VOPP1: variants seen among roughly 807,000 people sequenced by gnomAD.
VOPP1 encodes the protein VOPP1 WW domain binding protein.
In VOPP1, 8 loss-of-function variants were observed where a neutral mutation model predicts 23.5. The ratio of observed to expected loss-of-function variants is 0.34; its 90% CI spans 0.20 to 0.61. The LOEUF (loss-of-function observed/expected upper bound fraction) is 0.61, where lower values mean the gene tolerates loss of function less well. Ranked by LOEUF, VOPP1 falls within the 20% of genes least tolerant of loss-of-function variation. The pLI, the probability that VOPP1 is intolerant of heterozygous loss-of-function variation, is 0.78. For missense variants in VOPP1, 174 were observed against 238.1 expected (o/e 0.73, Z 1.77); for synonymous variants, 83 against 97.3 (o/e 0.85, Z 0.86).
intron 4 of VOPP1, among the ~76,000 whole-genome samples, chr7:55,482,961 G>A (rs141073579): frequency 0.021 from 3,239 of 152,286 alleles, 52 homozygotes; most frequent in Non-Finnish European, 0.035. Context: ...TGTTAATAAA[G>A]AGAATTCCAG....
At chr7:55,505,220 T>C (rs951386600) in intron 2 of VOPP1, among the ~76,000 whole-genome samples, 1 of 152,100 alleles carries the variant, frequency 6.6e-6, no homozygotes, top group Non-Finnish European at 1.5e-5. Context: ...ATCACACACA[T>C]GACTTAGAAT....
Position 55,497,629 on chromosome 7 carries a change from T to A in VOPP1, c.175A>T (p.Arg59Trp). The change falls in exon 3 of 5, where the codon AGG becomes TGG. Residue 59 changes from arginine (R) to tryptophan (W), a missense_variant. Physicochemically the swap from Arg to Trp is moderately radical, Grantham distance 101 (BLOSUM62 -3). Transcript: ENST00000285279. The part of the protein sequence containing the change: ...RCCVRALSIQ[R>W]LWYFWFLLMM... ...GTGACCTACCAGAAGTACCACAGCCTCTGTATGGAGAGGGCCCGCACACAG... is the reference window on the plus strand; with the variant it reads ...GTGACCTACCAGAAGTACCACAGCCACTGTATGGAGAGGGCCCGCACACAG... 6.2e-7 allele frequency: 1 copy of A among 1,601,440 alleles called. No individual in the cohort carries two copies. Among genetic ancestry groups the A allele is most frequent in the Non-Finnish European group, 8.5e-7 (1 of 1,174,814 alleles).
At chr7:55,515,031 T>C (rs1240894524) in intron 2 of VOPP1, among the ~76,000 whole-genome samples, 2 of 152,150 alleles carry the variant, frequency 1.3e-5, no homozygotes, top group African/African-American at 4.8e-5. Context: ...GAGGTCTCTG[T>C]CCACACCCTG....
downstream of VOPP1, among the ~76,000 whole-genome samples, chr7:55,466,510 G>C (rs1023201492): frequency 2.6e-5 from 4 of 152,152 alleles, no homozygotes; most frequent in South Asian, 2.1e-4. Flanking sequence ...GGGGACTGAG[G>C]GGGGAAACCA....
chr7:55,499,007 A>G (rs1295954230), intron 2 of VOPP1, among the ~76,000 whole-genome samples: 1 of 151,896 alleles, frequency 6.6e-6, no homozygotes, highest in African/African-American at 2.4e-5. Flanking sequence ...CTCCACCCCC[A>G]CGCCATTCCA....
intron 4 of VOPP1, among the ~76,000 whole-genome samples, chr7:55,475,302 G>A (rs967950740): frequency 2.0e-5 from 3 of 152,146 alleles, no homozygotes; most frequent in South Asian, 4.1e-4. Flanking sequence ...ACAGTGGGCC[G>A]AGTGGGCAGA....
chr7:55,571,760 A>C (rs1798365639), intron 1 of VOPP1: 1 of 152,520 alleles, frequency 6.6e-6, no homozygotes, highest in South Asian at 2.1e-4. Context: ...CCCGCTGCTC[A>C]CCTCCACAAC....
At chr7:55,553,105 T>G (rs1199798655) in intron 1 of VOPP1, among the ~76,000 whole-genome samples, 2 of 152,186 alleles carry the variant, frequency 1.3e-5, no homozygotes, top group African/African-American at 4.8e-5. Flanking sequence ...TAAAATAAAC[T>G]TGGAAACATT....
intron 4 of VOPP1, among the ~76,000 whole-genome samples, chr7:55,465,182 C>T (rs987595577): frequency 1.5e-4 from 23 of 152,138 alleles, no homozygotes; most frequent in Non-Finnish European, 3.2e-4. Flanking sequence ...TGCCAGGTGT[C>T]GCTAGTCAGC....
At chr7:55,459,720 C>A (rs1791451431) in intron 4 of VOPP1, among the ~76,000 whole-genome samples, 1 of 151,976 alleles carries the variant, frequency 6.6e-6, no homozygotes, top group East Asian at 1.9e-4. Context: ...ATAATATCTT[C>A]TTTCTCATTT....
chr7:55,483,468 G>A (rs780623644), intron 4 of VOPP1, among the ~76,000 whole-genome samples: 3 of 152,104 alleles, frequency 2.0e-5, no homozygotes, highest in Non-Finnish European at 4.4e-5. Context: ...TAAGTTCCAT[G>A]AACTCTGGGC....
intron 1 of VOPP1, among the ~76,000 whole-genome samples, chr7:55,542,545 T>C (rs1797178022): frequency 6.6e-6 from 1 of 152,176 alleles, no homozygotes; most frequent in Non-Finnish European, 1.5e-5. Flanking sequence ...ATCCCAGCAC[T>C]TTGGGAGGCC....
At chr7:55,538,512 C>A (rs1274278564) in intron 1 of VOPP1, 3 of 1,117,032 alleles carry the variant, frequency 2.7e-6, no homozygotes, top group Non-Finnish European at 2.5e-6. Context: ...AAAAGAACAA[C>A]CCTATGGTCC....
chr7:55,515,981 CCT>C (rs1346864623), intron 2 of VOPP1: 55 of 985,378 alleles, frequency 5.6e-5, no homozygotes, highest in Middle Eastern at 5.2e-4. Context: ...CACGGTGGCC[CCT>C]GTTTCAGGCC....
intron 4 of VOPP1, among the ~76,000 whole-genome samples, chr7:55,451,877 G>A (rs1287126807): frequency 3.3e-5 from 5 of 152,232 alleles, no homozygotes; most frequent in Admixed American, 6.5e-5. Flanking sequence ...GGTGGAGGGT[G>A]TTTTCCCAGT....
chr7:55,547,855 T>C (rs1364206585), intron 1 of VOPP1, among the ~76,000 whole-genome samples: 2 of 152,218 alleles, frequency 1.3e-5, no homozygotes, highest in Non-Finnish European at 2.9e-5. Context: ...CTAGTAGATG[T>C]GGCTGGGCAG....
At chr7:55,524,141 C>A (rs1185888218) in intron 1 of VOPP1, among the ~76,000 whole-genome samples, 2 of 152,174 alleles carry the variant, frequency 1.3e-5, no homozygotes, top group African/African-American at 4.8e-5. Flanking sequence ...CATTTCCATC[C>A]TACTCTTCTT....
intron 4 of VOPP1, among the ~76,000 whole-genome samples, chr7:55,457,959 TTGTC>T (rs1377925692): frequency 6.6e-6 from 1 of 152,182 alleles, no homozygotes; most frequent in East Asian, 1.9e-4. Flanking sequence ...ATAGTCCCAT[TTGTC>T]TATTTTTGTT....
At chr7:55,552,946 G>A in intron 1 of VOPP1, 1 of 717,838 alleles carries the variant, frequency 1.4e-6, no homozygotes, top group Non-Finnish European at 2.0e-6. Context: ...CAAATGCTAA[G>A]GCGCTGTAGG....
Sources: gnomAD v4.1 joint callset for allele counts (sites outside exome capture counted in the v4.1 genomes callset) on GRCh38, gnomAD v4.1.1 for gene constraint, MANE v1.5 for transcripts, NCBI Gene and HGNC (gene_info 2026-07-23, HGNC 2026-07-21) for gene names.